Variants in ATOSB observed in about 807,000 individuals in gnomAD.
The protein encoded by ATOSB is atos homolog B, also known as atos homolog protein B.
chr9:35,113,002 G>A, the ATOSB span, among the ~76,000 whole-genome samples: 1 of 152,140 alleles, frequency 6.6e-6, no homozygotes, highest in African/African-American at 2.4e-5. Context: ...GGAAAACTCT[G>A]AATAAGAACC....
the ATOSB span, chr9:35,106,127 T>G: frequency 2.6e-6 from 4 of 1,512,494 alleles, no homozygotes; most frequent in South Asian, 1.2e-5. This position sits in a 1 kb window ranked among gnomAD's most constrained non-coding sequence, Gnocchi z 4.6. Flanking sequence ...AGTAGAGTTC[T>G]CCTCACCTGG....
chr9:35,112,478 C>T, the ATOSB span: 12 of 152,370 alleles, frequency 7.9e-5, no homozygotes, highest in African/African-American at 2.9e-4. Flanking sequence ...CACTGAGTCA[C>T]TGGGCCCCAG....
At chr9:35,105,965 C>A in the ATOSB span, 1 of 1,614,076 alleles carries the variant, frequency 6.2e-7, no homozygotes. This position sits in a 1 kb window ranked among gnomAD's most constrained non-coding sequence, Gnocchi z 5.5. Flanking sequence ...CCACCTTGGG[C>A]ACGCTGTAAC....
At chr9:35,112,830 C>T in the ATOSB span, among the ~76,000 whole-genome samples, 2 of 152,022 alleles carry the variant, frequency 1.3e-5, no homozygotes, top group Non-Finnish European at 2.9e-5. Flanking sequence ...CTTGCCTGTG[C>T]TGTGGACCCC....
the ATOSB span, chr9:35,110,414 C>T: frequency 1.3e-5 from 2 of 152,262 alleles, no homozygotes; most frequent in Non-Finnish European, 2.9e-5. Context: ...GACATGATGC[C>T]CTACTTGACC....
the ATOSB span, chr9:35,112,333 C>T: frequency 8.3e-6 from 1 of 120,144 alleles, no homozygotes; most frequent in African/African-American, 3.0e-5. Flanking sequence ...TACTCACAGG[C>T]CCATGTTCAA....
chr9:35,110,157 G>T, the ATOSB span: 1 of 152,134 alleles, frequency 6.6e-6, no homozygotes, highest in Non-Finnish European at 1.5e-5. Context: ...CCTAAGAATT[G>T]GGATCCCTAA....
the ATOSB span, chr9:35,105,388 A>G: frequency 1.2e-6 from 2 of 1,601,734 alleles, no homozygotes; most frequent in African/African-American, 1.3e-5. This position sits in a 1 kb window ranked among gnomAD's most constrained non-coding sequence, Gnocchi z 5.5. Flanking sequence ...GAGGAGGACA[A>G]TGTGATCAAC....
At chr9:35,106,485 A>C in the ATOSB span, 1 of 1,606,114 alleles carries the variant, frequency 6.2e-7, no homozygotes, top group South Asian at 1.1e-5. The surrounding 1 kb of genome is among the most constrained non-coding windows in gnomAD (Gnocchi z 4.6). Context: ...GCCACATTCC[A>C]CCATCCCACC....
At chr9:35,107,885 A>G in the ATOSB span, 2 of 1,594,622 alleles carry the variant, frequency 1.3e-6, no homozygotes, top group Non-Finnish European at 8.5e-7. Flanking sequence ...AGGTGACACT[A>G]CTTCTCTGTT....
chr9:35,107,847 G>C, the ATOSB span: 6 of 1,598,318 alleles, frequency 3.8e-6, no homozygotes, highest in Admixed American at 1.7e-5. Flanking sequence ...GGGGCAGGGG[G>C]GACTCCAGGC....
chr9:35,107,034 T>C, the ATOSB span: 1 of 768,098 alleles, frequency 1.3e-6, no homozygotes, highest in East Asian at 2.7e-5. Flanking sequence ...TAAGAGTACA[T>C]GAAGGACAGG....
At chr9:35,107,341 AAAG>A in the ATOSB span, 3 of 1,565,678 alleles carry the variant, frequency 1.9e-6, no homozygotes, top group Non-Finnish European at 2.6e-6. Flanking sequence ...AAAAAAAAAA[AAAG>A]TAAAAAAAGA....
chr9:35,106,867 C>T, the ATOSB span: 21 of 1,572,564 alleles, frequency 1.3e-5, no homozygotes, highest in South Asian at 2.3e-4. The surrounding 1 kb of genome is among the most constrained non-coding windows in gnomAD (Gnocchi z 4.6). Context: ...AGCCTCCGCC[C>T]CATGGGACCG....
chr9:35,105,746 G>A, the ATOSB span: 1 of 1,614,104 alleles, frequency 6.2e-7, no homozygotes, highest in Non-Finnish European at 8.5e-7. The surrounding 1 kb of genome is among the most constrained non-coding windows in gnomAD (Gnocchi z 5.5). Flanking sequence ...TCACCCACAG[G>A]CACCAAAAAG....
the ATOSB span, among the ~76,000 whole-genome samples, chr9:35,115,299 T>C: frequency 2.0e-5 from 3 of 152,054 alleles, no homozygotes; most frequent in Non-Finnish European, 4.4e-5. Context: ...AGGAGTGCAA[T>C]AGATTGGCCT....
chr9:35,108,690 G>A, the ATOSB span: 1 of 1,002,400 alleles, frequency 1.0e-6, no homozygotes, highest in Non-Finnish European at 1.2e-6. Flanking sequence ...TGCTGCACTG[G>A]CAAGGTGACT....
chr9:35,115,332 C>T, the ATOSB span, among the ~76,000 whole-genome samples: 1 of 152,064 alleles, frequency 6.6e-6, no homozygotes, highest in African/African-American at 2.4e-5. Context: ...AACCCCAACA[C>T]CCTTGCTCTT....
the ATOSB span, chr9:35,104,672 T>C: frequency 2.5e-6 from 1 of 392,250 alleles, no homozygotes. Context: ...GGAAGCTGAG[T>C]CTTTGGCTAC....
Sources: gnomAD v4.1 joint callset for allele counts (sites outside exome capture counted in the v4.1 genomes callset) on GRCh38, gnomAD v4.1.1 for gene constraint, Gnocchi (gnomAD v3.1) non-coding constraint, MANE v1.5 for transcripts, NCBI Gene and HGNC (gene_info 2026-07-23, HGNC 2026-07-21) for gene names.